SPATS2L: variants seen among roughly 807,000 people sequenced by gnomAD.
SPATS2L encodes the protein SPATS2-like protein.
Under a neutral mutation model 59.6 loss-of-function variants are expected in SPATS2L, and 30 were observed. The observed-to-expected ratio is 0.50, with a 90% CI of 0.38 to 0.68. The LOEUF (loss-of-function observed/expected upper bound fraction) is 0.68. Ranked by LOEUF, SPATS2L falls within the 30% of genes least tolerant of loss-of-function variation. The pLI, the probability that SPATS2L is intolerant of heterozygous loss-of-function variation, is 0.00. For synonymous variants in SPATS2L, 252 were observed against 263.5 expected, an observed-to-expected ratio of 0.96 and a Z score of 0.42; for missense variants, 615 against 700.0, an observed-to-expected ratio of 0.88 and a Z score of 1.37.
At chr2:200,414,489 G>C (rs916748564) in intron 4 of SPATS2L, among the ~76,000 whole-genome samples, 13 of 152,050 alleles carry the variant, frequency 8.5e-5, no homozygotes. Flanking sequence ...AATTAGTCTA[G>C]AGTGGTGACA....
chr2:200,434,187 C>A (rs1285381900), intron 6 of SPATS2L, among the ~76,000 whole-genome samples: 1 of 151,694 alleles, frequency 6.6e-6, no homozygotes. Context: ...TAAAGGAGAA[C>A]AATAATATGA....
At chr2:200,373,270 C>CAAAAAAAAAAAAAAAAAAAA (rs3856514) in intron 2 of SPATS2L, 1 of 105,994 alleles carries the variant, frequency 9.4e-6, no homozygotes, top group Non-Finnish European at 1.9e-5. Context: ...ACTGCCTTAA[C>CAAAAAAAAAAAAAAAAAAAA]AAAAAAAAAA....
intron 2 of SPATS2L, among the ~76,000 whole-genome samples, chr2:200,372,478 A>AC (rs2081459821): frequency 2.6e-5 from 4 of 152,076 alleles, no homozygotes; most frequent in Admixed American, 1.3e-4. Flanking sequence ...GTTTGTCCTC[A>AC]CTGGGAAGTG....
At chr2:200,332,948 A>G (rs568779451) in intron 2 of SPATS2L, among the ~76,000 whole-genome samples, 2 of 152,236 alleles carry the variant, frequency 1.3e-5, no homozygotes, top group South Asian at 2.1e-4. Flanking sequence ...CTAGAGCTGT[A>G]CACAATAACA....
chr2:200,309,032 A>G (rs769552750), intron 1 of SPATS2L: 4 of 717,804 alleles, frequency 5.6e-6, no homozygotes, highest in Admixed American at 4.0e-5. Context: ...CTTAGGCCAC[A>G]CCGTTGCAGT....
At chr2:200,427,174 C>T (rs1005802825) in intron 6 of SPATS2L, among the ~76,000 whole-genome samples, 1 of 152,104 alleles carries the variant, frequency 6.6e-6, no homozygotes, top group Non-Finnish European at 1.5e-5. Flanking sequence ...TTACAAAGAT[C>T]AAAAGGCTTT....
intron 8 of SPATS2L, among the ~76,000 whole-genome samples, chr2:200,456,149 G>A (rs1187022169): frequency 6.6e-6 from 1 of 152,188 alleles, no homozygotes; most frequent in Non-Finnish European, 1.5e-5. Context: ...ATTCTCAAGG[G>A]CAGGCCGGGT....
chr2:200,392,529 A>G (rs1574371085), intron 3 of SPATS2L, among the ~76,000 whole-genome samples: 1 of 152,026 alleles, frequency 6.6e-6, no homozygotes, highest in Non-Finnish European at 1.5e-5. Context: ...CAAATTATAG[A>G]CCGTCCCTTA....
chr2:200,364,520 T>C (rs964504500), intron 2 of SPATS2L, among the ~76,000 whole-genome samples: 1 of 152,216 alleles, frequency 6.6e-6, no homozygotes, highest in African/African-American at 2.4e-5. Flanking sequence ...TCAAGTCTTA[T>C]AGTGGCCCAG....
At chr2:200,369,802 T>C (rs561752720) in intron 2 of SPATS2L, among the ~76,000 whole-genome samples, 37 of 152,194 alleles carry the variant, frequency 2.4e-4, no homozygotes, top group Non-Finnish European at 4.8e-4. Flanking sequence ...GTTATTTCTG[T>C]CAAGACTGCG....
chr2:200,335,595 T>A (rs1345489513), intron 2 of SPATS2L, among the ~76,000 whole-genome samples: 1 of 152,236 alleles, frequency 6.6e-6, no homozygotes, highest in Non-Finnish European at 1.5e-5. Context: ...ACTATCTCTT[T>A]GGCCTGGCTT....
intron 6 of SPATS2L, among the ~76,000 whole-genome samples, chr2:200,433,602 C>T (rs2084083556): frequency 6.6e-6 from 1 of 151,940 alleles, no homozygotes; most frequent in African/African-American, 2.4e-5. Flanking sequence ...TGAACTGAAT[C>T]ATAATGAAAA....
At chr2:200,437,516 G>A (rs992575414) in intron 6 of SPATS2L, among the ~76,000 whole-genome samples, 1 of 152,116 alleles carries the variant, frequency 6.6e-6, no homozygotes, top group Non-Finnish European at 1.5e-5. Context: ...ATTTCACACT[G>A]AAGTTTGACA....
chr2:200,422,903 C>G (rs1488792119), intron 6 of SPATS2L, among the ~76,000 whole-genome samples: 1 of 152,124 alleles, frequency 6.6e-6, no homozygotes, highest in Admixed American at 6.6e-5. Flanking sequence ...CTCAAAATAT[C>G]TTATTGCACT....
intron 2 of SPATS2L, among the ~76,000 whole-genome samples, chr2:200,387,284 G>A (rs192472401): frequency 6.2e-4 from 95 of 152,304 alleles, no homozygotes; most frequent in African/African-American, 2.3e-3. Flanking sequence ...GCCAAGTCCA[G>A]GGATATAGAA....
At chr2:200,315,393 G>A (rs1360674347) in intron 1 of SPATS2L, among the ~76,000 whole-genome samples, 1 of 152,104 alleles carries the variant, frequency 6.6e-6, no homozygotes, top group African/African-American at 2.4e-5. Flanking sequence ...GGTAGAGGAA[G>A]GATTTGAGGT....
intron 9 of SPATS2L, among the ~76,000 whole-genome samples, chr2:200,461,835 G>A (rs1041018329): frequency 1.3e-5 from 2 of 152,090 alleles, no homozygotes; most frequent in Non-Finnish European, 2.9e-5. Context: ...CGTTATTTTT[G>A]TTACACAGTT....
intron 1 of SPATS2L, among the ~76,000 whole-genome samples, chr2:200,319,529 C>T (rs1336308304): frequency 1.4e-5 from 2 of 139,488 alleles, no homozygotes; most frequent in Admixed American, 7.9e-5. Flanking sequence ...TGCGCCACTG[C>T]ACTCCAGCCT....
At chr2:200,351,140 C>T (rs761075004) in intron 2 of SPATS2L, 4 of 431,752 alleles carry the variant, frequency 9.3e-6, no homozygotes, top group Non-Finnish European at 1.9e-5. Context: ...ACTATGAAAT[C>T]AATGGGTGGA....
Sources: allele counts gnomAD v4.1 joint callset (sites outside exome capture counted in the v4.1 genomes callset), GRCh38; gene constraint gnomAD v4.1.1; transcripts MANE v1.5; gene names NCBI Gene and HGNC (gene_info 2026-07-23, HGNC 2026-07-21).